The following RAB7A variants were observed in gnomAD, a reference collection of about 807,000 sequenced individuals.
RAB7A encodes the protein ras-related protein Rab-7a.
A neutral mutation model predicts 24.5 loss-of-function variants in RAB7A; 2 were observed. That is an observed-to-expected ratio of 0.08 (90% CI 0.03 to 0.26). The LOEUF (loss-of-function observed/expected upper bound fraction) is 0.26, where lower values mean the gene tolerates loss of function less well. Among genes scored for constraint, RAB7A ranks in the 10% least tolerant of loss-of-function variants. The pLI, the probability that RAB7A is intolerant of heterozygous loss-of-function variation, is 1.00. For synonymous variants in RAB7A, 100 were observed against 95.9 expected (o/e 1.04, Z -0.25); for missense variants, 118 against 255.7 (o/e 0.46, Z 3.67).
At chr3:128,770,664 T>C (rs1044666116) in intron 1 of RAB7A, among the ~76,000 whole-genome samples, 1 of 152,200 alleles carries the variant, frequency 6.6e-6, no homozygotes, top group Non-Finnish European at 1.5e-5. Context: ...ATGAGCCAGG[T>C]CTGTAATCCA....
chr3:128,740,162 G>A (rs543832059), intron 1 of RAB7A, among the ~76,000 whole-genome samples: 23 of 152,088 alleles, frequency 1.5e-4, no homozygotes, highest in Non-Finnish European at 2.8e-4. Flanking sequence ...GGTGGATCAC[G>A]AGGTCAGGAG....
intron 1 of RAB7A, among the ~76,000 whole-genome samples, chr3:128,762,370 C>T (rs2070781940): frequency 6.6e-6 from 1 of 152,126 alleles, no homozygotes; most frequent in South Asian, 2.1e-4. Flanking sequence ...GTTCCATTCC[C>T]GTTTAAGCTC....
intron 1 of RAB7A, chr3:128,765,151 G>A (rs999664009): frequency 4.6e-5 from 32 of 699,480 alleles, no homozygotes; most frequent in Non-Finnish European, 6.5e-5. Flanking sequence ...GGTGGGGGAC[G>A]AGCGCTGGGT....
chr3:128,796,570 G>A (rs1443154230), intron 2 of RAB7A, among the ~76,000 whole-genome samples: 1 of 152,200 alleles, frequency 6.6e-6, no homozygotes, highest in East Asian at 1.9e-4. Flanking sequence ...GCAAATGCAG[G>A]TATGCTTCTT....
chr3:128,812,830 G>A (rs867557010), intron 5 of RAB7A, among the ~76,000 whole-genome samples: 2 of 152,228 alleles, frequency 1.3e-5, no homozygotes, highest in Non-Finnish European at 2.9e-5. Context: ...TAGGGAGGTA[G>A]AAGGAATGTT....
At chr3:128,771,225 C>T (rs565338394) in intron 1 of RAB7A, among the ~76,000 whole-genome samples, 7 of 152,152 alleles carry the variant, frequency 4.6e-5, no homozygotes, top group African/African-American at 7.2e-5. Flanking sequence ...GCCGCCTCAG[C>T]CTCCCAAAGT....
chr3:128,791,197 G>A (rs1412381771), intron 1 of RAB7A, among the ~76,000 whole-genome samples: 3 of 151,496 alleles, frequency 2.0e-5, no homozygotes, highest in Non-Finnish European at 1.5e-5. Flanking sequence ...GCTGGAGTGC[G>A]GTGGTGTGAT....
intron 1 of RAB7A, among the ~76,000 whole-genome samples, chr3:128,794,242 G>C (rs1490224209): frequency 6.6e-6 from 1 of 152,204 alleles, no homozygotes; most frequent in Non-Finnish European, 1.5e-5. Context: ...CATACCTTAA[G>C]ATGGTAGCGG....
At chr3:128,731,041 C>A (rs2070431211) in intron 1 of RAB7A, among the ~76,000 whole-genome samples, 2 of 152,202 alleles carry the variant, frequency 1.3e-5, no homozygotes, top group South Asian at 2.1e-4. Context: ...AAAGGAAGTT[C>A]TCTCTTCTCC....
At chr3:128,738,389 G>A (rs1437930550) in intron 1 of RAB7A, among the ~76,000 whole-genome samples, 1 of 152,130 alleles carries the variant, frequency 6.6e-6, no homozygotes, top group African/African-American at 2.4e-5. Context: ...TCTCCAGCTT[G>A]CCTTCCTGGC....
At chr3:128,807,813 G>A in intron 5 of RAB7A, 142 bp downstream of exon 5, 1 of 1,258,082 alleles carries the variant, frequency 7.9e-7, no homozygotes, top group Non-Finnish European at 1.1e-6. Flanking sequence ...CATCTGGGAA[G>A]GTTATGACAT....
At chr3:128,750,133 T>C (rs769643686) in intron 1 of RAB7A, among the ~76,000 whole-genome samples, 1 of 152,192 alleles carries the variant, frequency 6.6e-6, no homozygotes, top group Non-Finnish European at 1.5e-5. Context: ...GAAGAACTTG[T>C]TGGGAACTAG....
At chr3:128,730,980 C>T (rs769954582) in intron 1 of RAB7A, among the ~76,000 whole-genome samples, 4 of 152,196 alleles carry the variant, frequency 2.6e-5, no homozygotes, top group Non-Finnish European at 4.4e-5. Context: ...ATTCTCCAGC[C>T]TTGCTTGTCT....
intron 1 of RAB7A, among the ~76,000 whole-genome samples, chr3:128,744,388 C>G (rs1416685168): frequency 6.6e-6 from 1 of 152,208 alleles, no homozygotes; most frequent in African/African-American, 2.4e-5. Flanking sequence ...GGTCAGCCCT[C>G]TTAGAGGGAC....
rs1486317736 is a variant in RAB7A at position 128,813,362 on chromosome 3, A to G, written c.564A>G (p.Glu188=). Residue 188 remains glutamate (E), a synonymous_variant, in exon 6 of 6, where the codon GAA becomes GAG. Coordinates refer to ENST00000265062, the MANE Select transcript of RAB7A (RefSeq NM_004637.6). ...TGGAGCTGTACAACGAATTTCCTGA[A>G]CCTATCAAACTGGACAAGAATGACC... is the stretch of plus-strand genomic sequence containing the variant. The part of the protein sequence containing the change: ...TEVELYNEFP[E]PIKLDKNDRA... The G allele has an allele frequency of 1.2e-6, 2 of 1,614,148 alleles. No individual in the cohort carries two copies. The highest frequency in any genetic ancestry group is 1.7e-6 in the Non-Finnish European group (2 of 1,180,018).
Position 128,806,434 on chromosome 3 carries a change from A to C in RAB7A, c.243A>C (p.Ala81=). 1 of 1,614,090 alleles carries C rather than the reference A, an allele frequency of 6.2e-7. No individual in the cohort carries two copies. The highest frequency in any genetic ancestry group is 8.5e-7 in the Non-Finnish European group (1 of 1,180,010). The change falls in exon 4 of 6, where the codon GCA becomes GCC. Residue 81 remains alanine (A), a synonymous_variant. Coordinates refer to ENST00000265062, the MANE Select transcript of RAB7A (RefSeq NM_004637.6). ...TCGGTGTGGCCTTCTACAGAGGTGC[A>C]GACTGCTGCGTTCTGGTATTTGATG... The part of the protein sequence containing the change: ...QSLGVAFYRG[A]DCCVLVFDVT...
intron 3 of RAB7A, among the ~76,000 whole-genome samples, chr3:128,801,939 C>T (rs887883396): frequency 3.9e-5 from 6 of 152,106 alleles, no homozygotes; most frequent in African/African-American, 1.2e-4. Context: ...TGCCAGGTGA[C>T]TCTTGGCAGT....
intron 2 of RAB7A, among the ~76,000 whole-genome samples, chr3:128,795,726 A>G (rs564623180): frequency 7.7e-6 from 1 of 129,628 alleles, no homozygotes; most frequent in Non-Finnish European, 1.6e-5. Context: ...ATGTATTGCC[A>G]TTGGCATCTG....
chr3:128,729,587 A>G (rs1330783808), intron 1 of RAB7A, among the ~76,000 whole-genome samples: 2 of 149,038 alleles, frequency 1.3e-5, no homozygotes, highest in Non-Finnish European at 3.0e-5. Flanking sequence ...AAAAAAAAAA[A>G]AGTCTTCAAA....
Sources: allele counts gnomAD v4.1 joint callset (sites outside exome capture counted in the v4.1 genomes callset), GRCh38; gene constraint gnomAD v4.1.1; transcripts MANE v1.5; gene names NCBI Gene and HGNC (gene_info 2026-07-23, HGNC 2026-07-21).